The following MEP1B variants were observed in gnomAD, a reference collection of about 807,000 sequenced individuals.
MEP1B encodes the protein N-benzoyl-L-tyrosyl-P-amino-benzoic acid hydrolase subunit beta.
Under a neutral mutation model 84.6 loss-of-function variants are expected in MEP1B, and 80 were observed. The ratio of observed to expected loss-of-function variants is 0.95; its 90% confidence interval spans 0.79 to 1.14. The LOEUF is 1.14. Ranked by LOEUF, MEP1B falls within the 50% of genes most tolerant of loss-of-function variation. MEP1B has a pLI of 0.00. For missense variants in MEP1B, 766 were observed against 855.1 expected (o/e 0.90, Z 1.30); for synonymous variants, 273 against 288.1 (o/e 0.95, Z 0.53).
intron 5 of MEP1B, among the ~76,000 whole-genome samples, chr18:32,201,116 C>T (rs895489482): frequency 6.6e-6 from 1 of 152,120 alleles, no homozygotes; most frequent in African/African-American, 2.4e-5. Flanking sequence ...ATTCAAGAAA[C>T]TATCCTCATT....
chr18:32,215,039 G>A (rs753865530), intron 11 of MEP1B, 43 bp from the exon 12 acceptor site: 11 of 1,407,812 alleles, frequency 7.8e-6, no homozygotes, highest in African/African-American at 1.4e-5. Context: ...CAAAAGCTAC[G>A]ATGATGATAA....
rs77900526 is a variant in MEP1B at position 32,190,814 on chromosome 18, A to G, written c.63+681A>G. Among the ~76,000 whole-genome samples, 193 of 152,226 alleles carry G rather than the reference A, an allele frequency of 1.3e-3. 3 individuals are homozygous for G. The highest frequency in any genetic ancestry group is 4.0e-3 in the African/African-American group (165 of 41,570). Reference sequence around the variant, plus strand: ...GTAGGTGCACTGGCATTCCTCTATGAGTGTATGCCTGTGTGTGGTTATAGT... The same window carrying G: ...GTAGGTGCACTGGCATTCCTCTATGGGTGTATGCCTGTGTGTGGTTATAGT... On this transcript the variant is annotated intron_variant, in intron 1 of 14. Transcript: ENST00000269202.
Position 32,217,873 on chromosome 18 carries a change from A to T in MEP1B, c.1999A>T (p.Met667Leu), listed in dbSNP as rs1163266258. The change falls in exon 14 of 15, where the codon ATG becomes TTG. Residue 667 changes from methionine to leucine, a missense_variant. Coordinates refer to ENST00000269202, the MANE Select transcript of MEP1B (RefSeq NM_005925.3). ...ATCTACTGTTGCTGTGTTTGCCTTG[A>T]TGCTGATCATCACCCTTGTCAGTGT... Reference protein sequence around the residue: ...VSSTVAVFALMLIITLVSVYC... With the variant: ...VSSTVAVFALLLIITLVSVYC... The T allele has an allele frequency of 1.2e-6, 2 of 1,613,970 alleles. No homozygotes were observed. Among genetic ancestry groups the T allele is most frequent in the Admixed American group, 3.3e-5 (2 of 60,020 alleles).
At chr18:32,198,937 G>A (rs760288590) in intron 5 of MEP1B, among the ~76,000 whole-genome samples, 13 of 152,146 alleles carry the variant, frequency 8.5e-5, no homozygotes, top group Non-Finnish European at 1.8e-4. Flanking sequence ...GGATGCATTT[G>A]TTAGATTTAG....
intron 1 of MEP1B, among the ~76,000 whole-genome samples, chr18:32,191,019 T>C (rs1014973881): frequency 1.3e-5 from 2 of 152,124 alleles, no homozygotes; most frequent in African/African-American, 4.8e-5. Flanking sequence ...GAGCCTTCTT[T>C]CACATTATAT....
intron 10 of MEP1B, among the ~76,000 whole-genome samples, chr18:32,211,409 G>A (rs1390451670): frequency 6.6e-6 from 1 of 152,180 alleles, no homozygotes; most frequent in Non-Finnish European, 1.5e-5. Flanking sequence ...ACTGGCTTGA[G>A]GGGGAATTAT....
At chr18:32,195,076 A>C (rs1202961015) in intron 4 of MEP1B, among the ~76,000 whole-genome samples, 1 of 152,206 alleles carries the variant, frequency 6.6e-6, no homozygotes, top group Non-Finnish European at 1.5e-5. Flanking sequence ...AGGTCTTGCT[A>C]TCACTGTTTT....
rs375137332 is a variant in MEP1B at position 32,215,484 on chromosome 18, C to T, written c.1759+223C>T. ...AGAATAAAGAATTTAATGACCACCA[C>T]ATGAAGCTATAGCGGAAACCTTTAG... On this transcript the variant is annotated intron_variant, in intron 12 of 14. Transcript: ENST00000269202. Among the ~76,000 whole-genome samples the T allele has an allele frequency of 4.6e-5, 7 of 152,216 alleles. No individual in the cohort carries two copies. In the East Asian group the frequency reaches 9.6e-4, roughly 21 times the overall value.
At chr18:32,198,979 G>C (rs957448580) in intron 5 of MEP1B, among the ~76,000 whole-genome samples, 1 of 152,120 alleles carries the variant, frequency 6.6e-6, no homozygotes, top group Non-Finnish European at 1.5e-5. Flanking sequence ...GAAGAAGGTG[G>C]GTGTAGAGAA....
At chr18:32,197,546 A>G (rs2040868547) in intron 5 of MEP1B, among the ~76,000 whole-genome samples, 1 of 151,616 alleles carries the variant, frequency 6.6e-6, no homozygotes, top group Non-Finnish European at 1.5e-5. Flanking sequence ...CAGCTTCCCG[A>G]GTAGCTGAGA....
In MEP1B at chr18:32,196,803, C is replaced by T. The variant is rs61742581; in HGVS notation, c.250+1318C>T. 3,554 of 646,790 alleles carry T rather than the reference C, an allele frequency of 5.5e-3. 18 individuals carry two copies. The highest frequency in any genetic ancestry group is 7.1e-3 in the Non-Finnish European group (2,515 of 353,552). The allele number at this position is 646,790 out of a possible 1,614,324, so 40.1% of individuals were successfully genotyped here. Reference sequence around the variant, plus strand: ...GTTGGGGTGCTCGATGCCCATCACCCGCACGCTCATCAGCACTGCCTTCTG... The same window carrying T: ...GTTGGGGTGCTCGATGCCCATCACCTGCACGCTCATCAGCACTGCCTTCTG... On this transcript the variant is annotated intron_variant, in intron 5 of 14. Transcript: ENST00000269202. This position sits in a 1 kb window ranked among gnomAD's most constrained non-coding sequence, Gnocchi z 4.4.
At chr18:32,190,531 GC>G (rs1353100801) in intron 1 of MEP1B, among the ~76,000 whole-genome samples, 1 of 152,096 alleles carries the variant, frequency 6.6e-6, no homozygotes, top group Non-Finnish European at 1.5e-5. Context: ...TTTCTCTTAT[GC>G]TTCTTCATCA....
intron 1 of MEP1B, among the ~76,000 whole-genome samples, chr18:32,191,140 T>C (rs1033154321): frequency 1.4e-4 from 22 of 151,970 alleles, no homozygotes; most frequent in Middle Eastern, 3.4e-3. Flanking sequence ...ACTGGTAACA[T>C]AACCCAGACA....
chr18:32,195,263 TAC>T (rs3217505), intron 4 of MEP1B, 142 bp from the exon 5 acceptor site: 182,839 of 472,104 alleles, frequency 0.39, 19,214 homozygotes, highest in African/African-American at 0.59. Flanking sequence ...AAAGTAGGGC[TAC>T]ACACACACAC....
At chr18:32,218,023 G>T in intron 14 of MEP1B, 58 bp downstream of exon 14, 1 of 1,509,430 alleles carries the variant, frequency 6.6e-7, no homozygotes, top group Non-Finnish European at 9.1e-7. Flanking sequence ...TTATGGAGAG[G>T]AACTAGGACA....
chr18:32,210,175 A>T (rs1423099422), intron 9 of MEP1B, among the ~76,000 whole-genome samples: 1 of 152,184 alleles, frequency 6.6e-6, no homozygotes, highest in East Asian at 1.9e-4. Context: ...GTGGATTTTT[A>T]AAAAGTTAGC....
rs368013600 is a variant in MEP1B, at chr18:32,208,122, C to A, written c.770C>A (p.Ser257Tyr). 111 of 1,613,140 alleles carry A rather than the reference C, an allele frequency of 6.9e-5. No homozygotes were observed. Among genetic ancestry groups the A allele is most frequent in the Non-Finnish European group, 8.6e-5 (101 of 1,179,464 alleles). Residue 257 changes from serine to tyrosine, a missense_variant, in exon 9 of 15, where the codon TCT (serine) becomes TAT (tyrosine). Ser to Tyr is a moderately radical substitution (Grantham distance 144, BLOSUM62 -2). Transcript: ENST00000269202. ...LKLNQLYNCSSSLSFMDSCSF... is the reference protein window; with the variant it reads ...LKLNQLYNCSYSLSFMDSCSF... ...AATTGTTTTTTGCTTTTTGTAGCCT[C>A]TTCCTTGAGTTTTATGGACTCGTGC...
intron 5 of MEP1B, among the ~76,000 whole-genome samples, chr18:32,198,540 T>A (rs1211839426): frequency 1.3e-5 from 2 of 152,208 alleles, no homozygotes; most frequent in African/African-American, 2.4e-5. Context: ...TAGTGTGGCC[T>A]CTGATAGCAA....
chr18:32,212,965 C>T (rs2041043056), intron 10 of MEP1B, 151 bp from the exon 11 acceptor site: 4 of 680,736 alleles, frequency 5.9e-6, no homozygotes, highest in African/African-American at 1.8e-5. Context: ...GTAAATAATT[C>T]TAGGCTGGAG....
Sources: allele counts gnomAD v4.1 joint callset (sites outside exome capture counted in the v4.1 genomes callset), GRCh38; gene constraint gnomAD v4.1.1; non-coding constraint Gnocchi (gnomAD v3.1); transcripts MANE v1.5; gene names NCBI Gene and HGNC (gene_info 2026-07-23, HGNC 2026-07-21).